Variants in ZSCAN31 observed in about 807,000 individuals in gnomAD.
ZSCAN31 encodes zinc finger and SCAN domain containing 31, also known as zinc finger and SCAN domain-containing protein 31.
Under a neutral mutation model 22.5 loss-of-function variants are expected in ZSCAN31, and 14 were observed. The ratio of observed to expected loss-of-function variants is 0.62; its 90% CI spans 0.41 to 0.97. The LOEUF (loss-of-function observed/expected upper bound fraction) is 0.97. Ranked by LOEUF, ZSCAN31 falls within the 50% of genes least tolerant of loss-of-function variation. The probability of loss-of-function intolerance (pLI) is 0.00; values close to 1 mark genes in which losing one functional copy is unlikely to be tolerated. For synonymous variants in ZSCAN31, 168 were observed against 169.8 expected, an observed-to-expected ratio of 0.99 and a Z score of 0.08; for missense variants, 424 against 483.4, an observed-to-expected ratio of 0.88 and a Z score of 1.15.
chr6:28,353,448 A>T (rs1164173802), intron 2 of ZSCAN31: 1 of 161,250 alleles, frequency 6.2e-6, no homozygotes, highest in Non-Finnish European at 1.4e-5. Flanking sequence ...GGCTTCTGGG[A>T]TAGGCTCTCT....
chr6:28,345,869 T>C (rs1032010611), intron 2 of ZSCAN31, among the ~76,000 whole-genome samples: 1 of 152,178 alleles, frequency 6.6e-6, no homozygotes, highest in African/African-American at 2.4e-5. Context: ...CCTGAAACAA[T>C]GGGGTGTCAT....
rs62401449 is a variant in ZSCAN31 at position 28,343,044 on chromosome 6, C to A, written c.-370-1252G>T. Among the ~76,000 whole-genome samples the A allele has an allele frequency of 2.2e-3, 341 of 152,114 alleles. 2 individuals carry two copies. Among genetic ancestry groups the A allele is most frequent in the South Asian group, 0.011 (52 of 4,814 alleles). On this transcript the variant is annotated intron_variant, in intron 2 of 7. Coordinates refer to the ZSCAN31 transcript ENST00000396838. ...AGGTACCCAGAGTGTCATTGTGGCC[C>A]CCTGTTAGGATGTGGTCATATAGGG...
rs748478518 is a variant in ZSCAN31, at chr6:28,329,523, CG to C, written c.160del (p.Arg54GlufsTer4). On this transcript the variant is annotated frameshift_variant, in exon 2 of 4. Transcript: ENST00000344279. LOFTEE classifies it high-confidence loss of function. ...TTCTCGGAGCCGGCTCAGAGCTTCT[CG>C]GGGACCAGGAGTCTCTTGGTAACAA... is the stretch of plus-strand genomic sequence containing the variant. ...QFCYQETPGP[R>X]EALSRLRELC... The C allele has an allele frequency of 6.2e-7, 1 of 1,614,202 alleles. No individual in the cohort carries two copies. Among genetic ancestry groups the C allele is most frequent in the Non-Finnish European group, 8.5e-7 (1 of 1,180,034 alleles).
chr6:28,341,928 T>C (rs1368712201), intron 2 of ZSCAN31: 3 of 152,204 alleles, frequency 2.0e-5, no homozygotes, highest in African/African-American at 4.8e-5. Context: ...CAAAAGGCCC[T>C]AGAAGGAATG....
intron 2 of ZSCAN31, among the ~76,000 whole-genome samples, chr6:28,344,746 G>A (rs1263559228): frequency 1.3e-5 from 2 of 152,126 alleles, no homozygotes; most frequent in African/African-American, 4.8e-5. Context: ...CTAGTTAGGT[G>A]CACTTAGTTA....
chr6:28,348,868 T>C (rs2113869412), intron 2 of ZSCAN31, among the ~76,000 whole-genome samples: 1 of 152,158 alleles, frequency 6.6e-6, no homozygotes, highest in South Asian at 2.1e-4. Flanking sequence ...TGTATATACA[T>C]GTCTCATATA....
At chr6:28,340,509 A>C (rs1764370258), upstream of ZSCAN31, among the ~76,000 whole-genome samples, 1 of 152,224 alleles carries the variant, frequency 6.6e-6, no homozygotes, top group Non-Finnish European at 1.5e-5. Context: ...CCATGTGAAG[A>C]AGAACATGTT....
chr6:28,345,156 A>AAAAG (rs1561923592), intron 2 of ZSCAN31, among the ~76,000 whole-genome samples: 3 of 147,388 alleles, frequency 2.0e-5, no homozygotes, highest in African/African-American at 2.5e-5. Context: ...AAAAAAAAAA[A>AAAAG]AAAAGAAAAA....
chr6:28,326,436 G>A lies in ZSCAN31; in HGVS notation c.951C>T (p.His317=), dbSNP rs545210715. 2.5e-6 allele frequency: 4 copies of A among 1,614,148 alleles called. No homozygotes were observed. In the South Asian group the frequency reaches 4.4e-5, roughly 18 times the overall value. Residue 317 remains histidine, a synonymous_variant, in exon 4 of 4, where the codon CAC becomes CAT. Transcript: ENST00000344279. The part of the protein sequence containing the change: ...SNGLTRHRRI[H]TGEKPYECKV... Reference sequence around the variant, plus strand: ...TGCATTCATATGGTTTTTCCCCTGTGTGGATTCTTCTGTGTCGAGTGAGGC... The same window carrying A: ...TGCATTCATATGGTTTTTCCCCTGTATGGATTCTTCTGTGTCGAGTGAGGC...
chr6:28,346,312 C>CTCTT, intron 2 of ZSCAN31, among the ~76,000 whole-genome samples: 1 of 135,350 alleles, frequency 7.4e-6, no homozygotes, highest in African/African-American at 2.8e-5. Flanking sequence ...ATTAGGTGTT[C>CTCTT]TCTTGCTTCT....
rs185345418 is a variant in ZSCAN31 at position 28,334,341 on chromosome 6, T to C, written c.-96+1741A>G. ...ATATATTTACTAAGTGTTTACGAGG[T>C]GTCAGACAGCAAAGAGTGAAACAAT... On this transcript the variant is annotated intron_variant, in intron 1 of 3. Coordinates refer to ENST00000344279, the MANE Select transcript of ZSCAN31 (RefSeq NM_030899.5). Among the ~76,000 whole-genome samples, 25 of 152,296 alleles carry C rather than the reference T, an allele frequency of 1.6e-4. No homozygotes were observed. The East Asian group carries it at 4.4e-3, about 27-fold the overall frequency.
chr6:28,336,532 T>A (rs1007869577), upstream of ZSCAN31, among the ~76,000 whole-genome samples: 1 of 152,214 alleles, frequency 6.6e-6, no homozygotes, highest in Non-Finnish European at 1.5e-5. Context: ...GAGGCTTTTA[T>A]AATAAAGTTT....
In ZSCAN31 at chr6:28,326,467, C is replaced by T. The variant is rs371783502; in HGVS notation, c.920G>A (p.Ser307Asn). Residue 307 changes from serine to asparagine, a missense_variant, in exon 4 of 4, where the codon AGC becomes AAC. By Grantham distance (46) the Ser-to-Asn change is conservative. Transcript: ENST00000344279. ...TCTTCTGTGTCGAGTGAGGCCATTGCTGGCACTGAAGGCTTTCCCACACTC... is the reference window on the plus strand; with the variant it reads ...TCTTCTGTGTCGAGTGAGGCCATTGTTGGCACTGAAGGCTTTCCCACACTC... ...CKECGKAFSA[S>N]NGLTRHRRIH... is the part of the protein sequence containing the mutation. 11 of 1,613,880 alleles carry T rather than the reference C, an allele frequency of 6.8e-6. No individual in the cohort carries two copies. In the Admixed American group the frequency reaches 8.3e-5, roughly 12 times the overall value.
At chr6:28,327,606 T>G in intron 2 of ZSCAN31, 73 bp from the exon 3 acceptor site, 1 of 1,483,384 alleles carries the variant, frequency 6.7e-7, no homozygotes, top group African/African-American at 1.4e-5. Context: ...ATGAAAGATA[T>G]CACATGGAAC....
intron 2 of ZSCAN31, among the ~76,000 whole-genome samples, chr6:28,346,586 A>G (rs963818466): frequency 6.6e-6 from 1 of 151,930 alleles, no homozygotes; most frequent in Admixed American, 6.6e-5. Flanking sequence ...TGAACTCCTG[A>G]CCTCAAGTGA....
At chr6:28,345,592 A>G (rs1764611445) in intron 2 of ZSCAN31, among the ~76,000 whole-genome samples, 1 of 152,222 alleles carries the variant, frequency 6.6e-6, no homozygotes, top group Non-Finnish European at 1.5e-5. Flanking sequence ...TTTTGACTAG[A>G]ATTAACACAT....
chr6:28,328,897 C>G (rs1763519773), intron 2 of ZSCAN31, among the ~76,000 whole-genome samples: 1 of 152,208 alleles, frequency 6.6e-6, no homozygotes, highest in African/African-American at 2.4e-5. Context: ...GCTGGTCCCT[C>G]CATTTGGGGT....
At chr6:28,327,654 G>C in intron 2 of ZSCAN31, 121 bp from the exon 3 acceptor site, 1 of 1,158,838 alleles carries the variant, frequency 8.6e-7, no homozygotes, top group Non-Finnish European at 1.2e-6. Flanking sequence ...CACAGTGGAA[G>C]GACCAGAGTT....
intron 2 of ZSCAN31, among the ~76,000 whole-genome samples, chr6:28,345,647 GTAC>G (rs1764613189): frequency 6.6e-6 from 1 of 152,176 alleles, no homozygotes; most frequent in Admixed American, 6.5e-5. Context: ...GACTCAGCTA[GTAC>G]TATTATCCAA....
Sources: gnomAD v4.1 joint callset for allele counts (sites outside exome capture counted in the v4.1 genomes callset) on GRCh38, gnomAD v4.1.1 for gene constraint, MANE v1.5 for transcripts, NCBI Gene and HGNC (gene_info 2026-07-23, HGNC 2026-07-21) for gene names.